The following BAZ2B variants were observed in gnomAD, a reference collection of about 807,000 sequenced individuals.
The protein encoded by BAZ2B is bromodomain adjacent to zinc finger domain 2B, also known as bromodomain adjacent to zinc finger domain protein 2B.
In BAZ2B, 91 loss-of-function variants were observed where a neutral mutation model predicts 246.0. The observed-to-expected ratio is 0.37, with a 90% CI of 0.31 to 0.44. The LOEUF is 0.44. BAZ2B is among the 20% of genes least tolerant of loss of function. The pLI is 1.00. For synonymous variants in BAZ2B, 855 were observed against 860.0 expected (o/e 0.99, Z 0.10); for missense variants, 2,332 against 2,533.7 (o/e 0.92, Z 1.71).
rs371229512 is a variant in BAZ2B, at chr2:159,374,375, A to C, written c.4068+316T>G. On this transcript the variant is annotated intron_variant, in intron 26 of 36. Transcript: ENST00000392783. ...ATTCCAAGAAATAAAACTATGCCTT[A>C]ATTGACATTTTGTATTTATATGAAG... Among the ~76,000 whole-genome samples the C allele has an allele frequency of 2.6e-4, 39 of 152,338 alleles. 1 individual carries two copies. The highest frequency in any genetic ancestry group is 8.4e-4 in the African/African-American group (35 of 41,574).
chr2:159,696,324 C>T, the BAZ2B span, among the ~76,000 whole-genome samples: 32 of 152,102 alleles, frequency 2.1e-4, no homozygotes, highest in African/African-American at 4.1e-4. Flanking sequence ...GGCAAGGCAG[C>T]GTGAGATTTG....
At chr2:159,578,071 C>T (rs2151612425) in intron 1 of BAZ2B, among the ~76,000 whole-genome samples, 1 of 152,234 alleles carries the variant, frequency 6.6e-6, no homozygotes, top group South Asian at 2.1e-4. Flanking sequence ...AGTATGAACA[C>T]ATGAAAACTG....
chr2:159,684,184 A>G, the BAZ2B span, among the ~76,000 whole-genome samples: 1 of 152,234 alleles, frequency 6.6e-6, no homozygotes, highest in Non-Finnish European at 1.5e-5. Context: ...ATTCCACTGC[A>G]TGGATGTACC....
At chr2:159,382,927 A>G in intron 24 of BAZ2B, 125 bp from the exon 25 acceptor site, 1 of 1,255,790 alleles carries the variant, frequency 8.0e-7, no homozygotes, top group Non-Finnish European at 1.1e-6. Context: ...GCGATATACC[A>G]ATGTTAAAAA....
intron 34 of BAZ2B, among the ~76,000 whole-genome samples, chr2:159,330,481 T>C (rs1207344870): frequency 6.6e-6 from 1 of 152,208 alleles, no homozygotes; most frequent in Non-Finnish European, 1.5e-5. Context: ...CACTGATCAC[T>C]GGAGTGAGAA....
intron 20 of BAZ2B, among the ~76,000 whole-genome samples, chr2:159,394,631 C>T (rs1032311468): frequency 1.3e-5 from 2 of 152,050 alleles, no homozygotes; most frequent in Admixed American, 1.3e-4. Context: ...TAGTTCGCAA[C>T]CTGGGATGCA....
At chr2:159,431,183 A>G (rs2071039537) in intron 9 of BAZ2B, 27 bp from the exon 10 acceptor site, 5 of 1,570,114 alleles carry the variant, frequency 3.2e-6, no homozygotes, top group South Asian at 1.2e-5. Context: ...GCATTTGTAT[A>G]TTATAACTAG....
rs780305178 is a variant in BAZ2B, at chr2:159,438,669, T to C, written c.927A>G (p.Pro309=). 9 of 1,609,604 alleles carry C rather than the reference T, an allele frequency of 5.6e-6. No individual in the cohort carries two copies. The change falls in exon 8 of 37, where the codon CCA becomes CCG. Residue 309 remains proline (P), a synonymous_variant. Transcript: ENST00000392783. ...NQVLLHGISD[P]KADGQKATEK... ...CAGTTGCTTTCTGTCCATCTGCTTT[T>C]GGGTCTGAAATACCATGTAATAGCA...
downstream of BAZ2B, among the ~76,000 whole-genome samples, chr2:159,316,689 CAAAAAAAAAAAAAAAA>C (rs765748671): frequency 5.5e-5 from 2 of 36,244 alleles, no homozygotes; most frequent in African/African-American, 2.5e-4. Flanking sequence ...GACTCCATCT[CAAAAAAAAAAAAAAAA>C]AAAAAAAAAA....
the BAZ2B span, among the ~76,000 whole-genome samples, chr2:159,666,409 A>G: frequency 2.6e-5 from 4 of 151,856 alleles, no homozygotes; most frequent in African/African-American, 9.7e-5. Flanking sequence ...ACAGGCGCAC[A>G]CCACCATGCC....
At chr2:159,394,323 T>C (rs1172184060) in intron 20 of BAZ2B, among the ~76,000 whole-genome samples, 1 of 152,162 alleles carries the variant, frequency 6.6e-6, no homozygotes, top group Admixed American at 6.5e-5. Context: ...ACTGTTTCCA[T>C]AAGCGAATAG....
the BAZ2B span, among the ~76,000 whole-genome samples, chr2:159,640,571 A>G: frequency 1.3e-5 from 2 of 152,150 alleles, no homozygotes; most frequent in Non-Finnish European, 2.9e-5. Context: ...ATGCAAACAC[A>G]TGAAAATTAA....
At chr2:159,523,861 T>C (rs895405917) in intron 2 of BAZ2B, among the ~76,000 whole-genome samples, 3 of 152,062 alleles carry the variant, frequency 2.0e-5, no homozygotes, top group African/African-American at 7.2e-5. Context: ...AAAAAATCCA[T>C]ATTAAGAGAC....
intron 2 of BAZ2B, chr2:159,516,603 T>C (rs2083467790): frequency 6.6e-6 from 1 of 152,538 alleles, no homozygotes; most frequent in Non-Finnish European, 1.5e-5. Context: ...TGAGATACTG[T>C]CGGAGAGGGT....
chr2:159,705,962 A>C, the BAZ2B span, among the ~76,000 whole-genome samples: 851 of 142,342 alleles, frequency 6.0e-3, 8 homozygotes, highest in African/African-American at 0.021. Flanking sequence ...ATAGGGATTT[A>C]GAGAAAAGGT....
At position 159,332,525 on chromosome 2, in the gene BAZ2B, T is replaced by A; in HGVS notation, c.5943+15A>T. On this transcript the variant is annotated intron_variant, in intron 34 of 36. Transcript: ENST00000392783. ...ATAAAATAAAATGAAAAGTTTAGTT[T>A]TAGATTGGTCTTACCTTAGCAATGC... 1 of 1,579,510 alleles carries A rather than the reference T, an allele frequency of 6.3e-7. No homozygotes were observed. Among genetic ancestry groups the A allele is most frequent in the Non-Finnish European group, 8.6e-7 (1 of 1,168,514 alleles).
intron 2 of BAZ2B, among the ~76,000 whole-genome samples, chr2:159,506,129 T>C (rs1210475658): frequency 2.0e-5 from 3 of 151,822 alleles, no homozygotes; most frequent in Non-Finnish European, 4.4e-5. Context: ...ATAACTAGAG[T>C]AGGCATATGG....
At chr2:159,462,015 A>G (rs954833912) in intron 3 of BAZ2B, 2 of 180,964 alleles carry the variant, frequency 1.1e-5, no homozygotes, top group African/African-American at 4.8e-5. Context: ...CTGCAGTATC[A>G]GAAGTGCTTG....
chr2:159,606,498 CA>C (rs2151793736), intron 1 of BAZ2B, among the ~76,000 whole-genome samples: 1 of 152,204 alleles, frequency 6.6e-6, no homozygotes, highest in East Asian at 1.9e-4. Context: ...ATACATTACC[CA>C]AAGATCAGAA....
Sources: gnomAD v4.1 joint callset for allele counts (sites outside exome capture counted in the v4.1 genomes callset) on GRCh38, gnomAD v4.1.1 for gene constraint, MANE v1.5 for transcripts, NCBI Gene and HGNC (gene_info 2026-07-23, HGNC 2026-07-21) for gene names.